The following RTL4 variants were observed in gnomAD, a reference collection of about 807,000 sequenced individuals.
The protein encoded by RTL4 is retrotransposon Gag-like protein 4.
In RTL4, 4 loss-of-function variants were observed where a neutral mutation model predicts 5.3. The ratio of observed to expected loss-of-function variants is 0.75; its 90% CI spans 0.37 to 1.72. RTL4 has a LOEUF of 1.72. RTL4 is among the 40% of genes most tolerant of loss of function. The probability of loss-of-function intolerance (pLI) is 0.04; values close to 1 mark genes in which losing one functional copy is unlikely to be tolerated. For missense variants in RTL4, 260 were observed against 227.1 expected, an observed-to-expected ratio of 1.14 and a Z score of -0.93; for synonymous variants, 98 against 87.3, an observed-to-expected ratio of 1.12 and a Z score of -0.68.
chrX:112,214,950 G>A, the RTL4 span, among the ~76,000 whole-genome samples: 3 of 109,588 alleles, frequency 2.7e-5, no homozygotes, highest in Non-Finnish European at 3.8e-5. Context: ...CACCACACCC[G>A]GCTAATTTTT....
chrX:112,260,284 T>G, the RTL4 span, among the ~76,000 whole-genome samples: 1 of 111,272 alleles, frequency 9.0e-6, no homozygotes, highest in East Asian at 2.8e-4. Context: ...CTGGCCTATA[T>G]TCTATGATTT....
At chrX:112,456,457 C>T in exon 1 of RTL4, 1 of 307,619 alleles carries the variant, frequency 3.3e-6, no homozygotes, top group Non-Finnish European at 5.9e-6. Context: ...CTCTCTTCTC[C>T]AACAACCCTA....
chrX:112,402,400 T>TTGTG, the RTL4 span, among the ~76,000 whole-genome samples: 4,227 of 87,340 alleles, frequency 0.048, 85 homozygotes, highest in Non-Finnish European at 0.062. Context: ...GGAATTATTA[T>TTGTG]TGTGTGTGTG....
chrX:112,424,160 A>C, the RTL4 span, among the ~76,000 whole-genome samples: 2 of 112,130 alleles, frequency 1.8e-5, no homozygotes, highest in Non-Finnish European at 3.8e-5. Flanking sequence ...TAAATGAAAG[A>C]ACATAAATTA....
chrX:112,256,445 A>G, the RTL4 span, among the ~76,000 whole-genome samples: 1 of 112,218 alleles, frequency 8.9e-6, no homozygotes, highest in Non-Finnish European at 1.9e-5. Flanking sequence ...CCAACATAAT[A>G]TACGCTCTAA....
At chrX:112,343,550 A>G in the RTL4 span, among the ~76,000 whole-genome samples, 1 of 112,363 alleles carries the variant, frequency 8.9e-6, no homozygotes, top group East Asian at 2.8e-4. Context: ...GGGTTAGTCA[A>G]AATTAGAACT....
the RTL4 span, among the ~76,000 whole-genome samples, chrX:112,413,003 C>G: frequency 9.0e-6 from 1 of 111,346 alleles, no homozygotes. Context: ...TCAAACAACT[C>G]AATATGAAAA....
the RTL4 span, among the ~76,000 whole-genome samples, chrX:112,182,310 G>A: frequency 9.0e-6 from 1 of 111,662 alleles, no homozygotes; most frequent in Admixed American, 9.6e-5. Context: ...ACAAGCAAGG[G>A]AACAAAACTG....
At chrX:112,358,522 G>T in the RTL4 span, among the ~76,000 whole-genome samples, 1 of 111,281 alleles carries the variant, frequency 9.0e-6, no homozygotes, top group Non-Finnish European at 1.9e-5. Flanking sequence ...AATATGGAGG[G>T]GCACATATAA....
the RTL4 span, among the ~76,000 whole-genome samples, chrX:112,268,193 CTTTGTTCTAACCACAT>C: frequency 9.0e-6 from 1 of 111,517 alleles, no homozygotes; most frequent in African/African-American, 3.3e-5. Flanking sequence ...CTTTTTCTTA[CTTTGTTCTAACCACAT>C]TGATCTCCTG....
At chrX:112,271,522 T>G in the RTL4 span, among the ~76,000 whole-genome samples, 151 of 111,971 alleles carry the variant, frequency 1.3e-3, 1 homozygote, top group African/African-American at 4.6e-3. Flanking sequence ...AAAAACCTCT[T>G]GTGTACCTAG....
the RTL4 span, among the ~76,000 whole-genome samples, chrX:112,295,696 A>C: frequency 8.9e-6 from 1 of 112,551 alleles, no homozygotes; most frequent in African/African-American, 3.2e-5. Context: ...AGCTGATGGG[A>C]GGGATCCCAG....
chrX:112,353,493 C>A, the RTL4 span, among the ~76,000 whole-genome samples: 1 of 111,151 alleles, frequency 9.0e-6, no homozygotes, highest in Non-Finnish European at 1.9e-5. Flanking sequence ...CCATGGAATA[C>A]CATGCAGCCA....
the RTL4 span, among the ~76,000 whole-genome samples, chrX:112,120,469 G>A: frequency 9.1e-6 from 1 of 110,350 alleles, no homozygotes; most frequent in Non-Finnish European, 1.9e-5. Flanking sequence ...GTAGAGACGG[G>A]GTTTCACTGT....
At chrX:112,440,140 A>G in the RTL4 span, among the ~76,000 whole-genome samples, 1 of 112,063 alleles carries the variant, frequency 8.9e-6, no homozygotes, top group Non-Finnish European at 1.9e-5. Context: ...CACTGCCTCC[A>G]CTATAAAGTC....
chrX:112,253,123 C>T, the RTL4 span, among the ~76,000 whole-genome samples: 2 of 111,792 alleles, frequency 1.8e-5, no homozygotes, highest in Non-Finnish European at 3.8e-5. Flanking sequence ...TTTGGCTCCA[C>T]CTCCTGAGTG....
the RTL4 span, among the ~76,000 whole-genome samples, chrX:112,207,403 A>C: frequency 9.0e-6 from 1 of 111,668 alleles, no homozygotes; most frequent in African/African-American, 3.3e-5. Context: ...ACCCTATTTT[A>C]TTTTCTTCTT....
At chrX:112,161,822 TTCCTTC>T in the RTL4 span, among the ~76,000 whole-genome samples, 7 of 43,112 alleles carry the variant, frequency 1.6e-4, no homozygotes, top group Admixed American at 5.9e-4. Flanking sequence ...CCTTCCTTCC[TTCCTTC>T]CTTCCTTCCT....
At chrX:112,285,896 G>T in the RTL4 span, among the ~76,000 whole-genome samples, 2 of 111,653 alleles carry the variant, frequency 1.8e-5, no homozygotes, top group African/African-American at 6.5e-5. Context: ...CTACCCGCTA[G>T]GTACCAAACA....
Sources: allele counts gnomAD v4.1 joint callset (sites outside exome capture counted in the v4.1 genomes callset), GRCh38; gene constraint gnomAD v4.1.1; transcripts MANE v1.5; gene names NCBI Gene and HGNC (gene_info 2026-07-23, HGNC 2026-07-21).